Variants in ENG observed in about 807,000 individuals in gnomAD.
ENG encodes CD105 antigen.
In ENG, 17 loss-of-function variants were observed where a neutral mutation model predicts 71.0. That is an observed-to-expected ratio of 0.24 (90% CI 0.16 to 0.36). The LOEUF (loss-of-function observed/expected upper bound fraction) is 0.36, where lower values mean the gene tolerates loss of function less well. Among genes scored for constraint, ENG ranks in the 10% least tolerant of loss-of-function variants. The probability of loss-of-function intolerance (pLI) is 1.00; values close to 1 mark genes in which losing one functional copy is unlikely to be tolerated. For synonymous variants in ENG, 360 were observed against 366.9 expected (o/e 0.98, Z 0.21); for missense variants, 749 against 868.3 (o/e 0.86, Z 1.73).
At chr9:127,818,053 C>G in intron 12 of ENG, 67 bp downstream of exon 12, 3 of 1,611,952 alleles carry the variant, frequency 1.9e-6, no homozygotes, top group Non-Finnish European at 2.5e-6. Context: ...GCTGCCATGT[C>G]CCTTCCTGCA....
chr9:127,816,196 G>GCTCACTGTGGGGGCCTGGGGTACT, intron 13 of ENG, 143 bp from the exon 14 acceptor site: 1 of 1,053,896 alleles, frequency 9.5e-7, no homozygotes, highest in Non-Finnish European at 1.4e-6. Context: ...TCCTCTTGCA[G>GCTCACTGTGGGGGCCTGGGGTACT]CAAACGGGCT....
intron 1 of ENG, among the ~76,000 whole-genome samples, chr9:127,844,527 T>C (rs960667304): frequency 6.7e-6 from 1 of 150,108 alleles, no homozygotes; most frequent in Non-Finnish European, 1.5e-5. Flanking sequence ...CCTCCCAGGC[T>C]CAAGTGATCC....
intron 2 of ENG, among the ~76,000 whole-genome samples, chr9:127,842,834 C>A (rs559261263): frequency 3.3e-5 from 5 of 152,072 alleles, no homozygotes; most frequent in South Asian, 4.1e-4. Flanking sequence ...TGGTCCCCCC[C>A]ACCCATCTGG....
chr9:127,826,374 G>T, intron 4 of ENG, 136 bp downstream of exon 4: 1 of 1,137,554 alleles, frequency 8.8e-7, no homozygotes, highest in Non-Finnish European at 1.3e-6. Context: ...GGCAGCACTG[G>T]CTTGTGGCAT....
In ENG at chr9:127,825,810, G is replaced by A. The variant is rs537215880; in HGVS notation, c.574C>T (p.Arg192Cys). The A allele has an allele frequency of 1.9e-5, 31 of 1,597,532 alleles. No individual in the cohort carries two copies. Among genetic ancestry groups the A allele is most frequent in the Non-Finnish European group, 2.4e-5 (28 of 1,173,038 alleles). ...CMLEASQDMG[R>C]TLEWRPRTPA... The stretch of plus-strand genomic sequence containing the variant: ...GTACGCGGCCGCCACTCGAGCGTGC[G>A]GCCCATGTCCTGGCTGGCTTCCAGC... Residue 192 changes from arginine (R) to cysteine (C), a missense_variant, in exon 5 of 15, where the codon CGC (arginine) becomes TGC (cysteine). Physicochemically the swap from Arg to Cys is radical, Grantham distance 180. Transcript: ENST00000373203.
At position 127,838,848 on chromosome 9, in the gene ENG, A is replaced by T. The variant is rs1830964001; in HGVS notation, c.219+4246T>A. 6.6e-6 allele frequency among the ~76,000 whole-genome samples: 1 copy of T among 151,992 alleles called. No individual in the cohort carries two copies. The highest frequency in any genetic ancestry group is 6.6e-5 in the Admixed American group (1 of 15,262). ...GGCTGTCTGCAGACCTGCCCAGCAC[A>T]CGCACTGAGCGGCACTTCCCCAAGG... On this transcript the variant is annotated intron_variant, in intron 2 of 14. Coordinates refer to ENST00000373203, the MANE Select transcript of ENG (RefSeq NM_001114753.3). The surrounding 1 kb of genome is among the most constrained non-coding windows in gnomAD (Gnocchi z 4.3).
chr9:127,833,839 T>A (rs952029485), intron 2 of ENG, among the ~76,000 whole-genome samples: 1 of 152,240 alleles, frequency 6.6e-6, no homozygotes, highest in Non-Finnish European at 1.5e-5. Flanking sequence ...TTTCTGTTAC[T>A]CAATAATGAT....
chr9:127,850,183 G>A (rs1020904248), intron 1 of ENG, among the ~76,000 whole-genome samples: 5 of 152,214 alleles, frequency 3.3e-5, no homozygotes, highest in African/African-American at 1.2e-4. Context: ...GGTCACAAAA[G>A]TTGTGGGGAA....
In ENG at chr9:127,815,299, A is replaced by C; in HGVS notation, c.*383T>G. 9.4e-6 allele frequency: 2 copies of C among 212,532 alleles called. No individual in the cohort carries two copies. Among genetic ancestry groups the C allele is most frequent in the Non-Finnish European group, 1.9e-5 (2 of 105,914 alleles). 13.2% of individuals were successfully genotyped at this position (212,532 alleles called of 1,614,324 possible). A position where few individuals can be genotyped will look rare whatever the true frequency, so the allele number is the denominator to read the frequency against. On this transcript the variant is annotated 3_prime_UTR_variant, in exon 15 of 15. Transcript: ENST00000373203. ...GGGCCCTCTTCTCTTCCCAGCGGGG[A>C]GGTGCTGTTGGCCTGGCTGGGCTGG...
rs138628226 is a variant in ENG at position 127,824,039 on chromosome 9, A to G, written c.1134+265T>C. The stretch of plus-strand genomic sequence containing the variant: ...CAGGGAGCATTTAGGATTAATAATG[A>G]CAACTACCTAGTGCTGGCATTATTT... On this transcript the variant is annotated intron_variant, in intron 8 of 14. Coordinates refer to ENST00000373203, the MANE Select transcript of ENG (RefSeq NM_001114753.3). Among the ~76,000 whole-genome samples, 150 of 152,286 alleles carry G rather than the reference A, an allele frequency of 9.8e-4. 1 individual carries two copies. Among genetic ancestry groups the G allele is most frequent in the African/African-American group, 3.5e-3 (145 of 41,546 alleles).
rs376641299 is a variant in ENG, at chr9:127,829,756, C to A, written c.291G>T (p.Leu97=). The change falls in exon 3 of 15, where the codon CTG becomes CTT. Residue 97 remains leucine (L), a synonymous_variant. Coordinates refer to ENST00000373203, the MANE Select transcript of ENG (RefSeq NM_001114753.3). ...QNGTWPREVL[L]VLSVNSSVFL... ...AGACACTGCTGTTTACACTGAGGAC[C>A]AGAAGCACCTCTCGGGGCCAGGTGC... is the stretch of plus-strand genomic sequence containing the variant. The A allele has an allele frequency of 2.5e-6, 4 of 1,614,126 alleles. No homozygotes were observed. In the African/African-American group the frequency reaches 5.3e-5, roughly 22 times the overall value.
chr9:127,824,399 T>G lies in ENG; in HGVS notation c.1039A>C (p.Lys347Gln), dbSNP rs1446116085. The G allele has an allele frequency of 6.2e-7, 1 of 1,613,610 alleles. No individual in the cohort carries two copies. Among genetic ancestry groups the G allele is most frequent in the East Asian group, 2.2e-5 (1 of 44,856 alleles). ...SPAPIQTTPP[K>Q]DTCSPELLMS... ...AGCAGCTCCGGGCTACAAGTGTCCT[T>G]GGGAGGAGTGGTCTGGATCGGTGCG... The change falls in exon 8 of 15, where the codon AAG becomes CAG. Residue 347 changes from lysine to glutamine, a missense_variant. Transcript: ENST00000373203.
At chr9:127,832,947 G>A (rs1830801138) in intron 2 of ENG, among the ~76,000 whole-genome samples, 1 of 152,022 alleles carries the variant, frequency 6.6e-6, no homozygotes, top group South Asian at 2.1e-4. Context: ...AGTAAAGATG[G>A]GGTTTCGCCA....
rs777633247 is a variant in ENG at position 127,825,791 on chromosome 9, G to T, written c.593C>A (p.Pro198Gln). Reference sequence around the variant, plus strand: ...GCCCCGGACCAAGGCTGGAGTACGCGGCCGCCACTCGAGCGTGCGGCCCAT... The same window carrying T: ...GCCCCGGACCAAGGCTGGAGTACGCTGCCGCCACTCGAGCGTGCGGCCCAT... The part of the protein sequence containing the change: ...QDMGRTLEWR[P>Q]RTPALVRGCH... Residue 198 changes from proline (P) to glutamine (Q), a missense_variant, in exon 5 of 15, where the codon CCG becomes CAG. By Grantham distance (76) the Pro-to-Gln change is moderately conservative. Transcript: ENST00000373203. 18 of 1,594,874 alleles carry T rather than the reference G, an allele frequency of 1.1e-5. No individual in the cohort carries two copies. The South Asian group carries it at 1.4e-4, about 12-fold the overall frequency.
intron 2 of ENG, among the ~76,000 whole-genome samples, chr9:127,834,389 C>A (rs1830845248): frequency 6.6e-6 from 1 of 151,844 alleles, no homozygotes; most frequent in African/African-American, 2.4e-5. Context: ...AGGTGTGCGC[C>A]ACCATGCCCA....
intron 1 of ENG, among the ~76,000 whole-genome samples, chr9:127,849,679 G>A (rs556614150): frequency 1.2e-4 from 18 of 152,280 alleles, no homozygotes; most frequent in East Asian, 1.9e-4. Context: ...TGGGAGGGCC[G>A]TTATGGGGAC....
intron 11 of ENG, 49 bp downstream of exon 11, chr9:127,818,667 G>A (rs1396456824): frequency 6.3e-7 from 1 of 1,582,746 alleles, no homozygotes. Context: ...AGGCGGAGAG[G>A]AAGTTCCAGG....
intron 13 of ENG, chr9:127,816,372 A>C: frequency 2.2e-6 from 1 of 448,264 alleles, no homozygotes; most frequent in Non-Finnish European, 4.2e-6. Flanking sequence ...GGGAGTACAG[A>C]GCCTGCCCCA....
chr9:127,825,746 G>A lies in ENG; in HGVS notation c.638C>T (p.Ala213Val). 1.3e-6 allele frequency: 2 copies of A among 1,599,336 alleles called. No individual in the cohort carries two copies. The highest frequency in any genetic ancestry group is 1.1e-5 in the South Asian group (1 of 89,220). ...LVRGCHLEGV[A>V]GHKEAHILRV... is the part of the protein sequence containing the mutation. The stretch of plus-strand genomic sequence containing the variant: ...CAGGATGTGCGCCTCCTTGTGGCCG[G>A]CCACGCCTTCCAAGTGGCAGCCCCG... The change falls in exon 5 of 15, where the codon GCC (alanine) becomes GTC (valine). Residue 213 changes from alanine to valine, a missense_variant. Ala to Val is a moderately conservative substitution (Grantham distance 64). Transcript: ENST00000373203.
Sources: allele counts gnomAD v4.1 joint callset (sites outside exome capture counted in the v4.1 genomes callset), GRCh38; gene constraint gnomAD v4.1.1; non-coding constraint Gnocchi (gnomAD v3.1); transcripts MANE v1.5; gene names NCBI Gene and HGNC (gene_info 2026-07-23, HGNC 2026-07-21).